FAT1: variants seen among roughly 807,000 people sequenced by gnomAD.
FAT1 encodes protocadherin Fat 1.
A neutral mutation model predicts 329.8 loss-of-function variants in FAT1; 171 were observed. The ratio of observed to expected loss-of-function variants is 0.52; its 90% CI spans 0.46 to 0.59. The LOEUF is 0.59. Among genes scored for constraint, FAT1 ranks in the 20% least tolerant of loss-of-function variants. The pLI, the probability that FAT1 is intolerant of heterozygous loss-of-function variation, is 0.00. For missense variants in FAT1, 5,672 were observed against 5,774.4 expected (o/e 0.98, Z 0.57); for synonymous variants, 2,233 against 2,228.6 (o/e 1.00, Z -0.06).
Position 186,709,184 on chromosome 4 carries a change from G to T in FAT1, c.644C>A (p.Thr215Asn). Residue 215 changes from threonine to asparagine, a missense_variant, in exon 2 of 27, where the codon ACC becomes AAC. Physicochemically the swap from Thr to Asn is moderately conservative, Grantham distance 65. Around this residue, in one of 2 missense-constraint regions of FAT1, gnomAD observed 3,966 missense variants for 3,915.2 expected, o/e 1.01. Coordinates refer to ENST00000441802, the MANE Select transcript of FAT1 (RefSeq NM_005245.4). ...GAGGATTTCCATCTCATAGAGCTTG[G>T]TCTCTAGGTAATCAAGTCTACCAGT... ...VLTGRLDYLE[T>N]KLYEMEILAA... 1 of 1,613,960 alleles carries T rather than the reference G, an allele frequency of 6.2e-7. No individual in the cohort carries two copies. Among genetic ancestry groups the T allele is most frequent in the Non-Finnish European group, 8.5e-7 (1 of 1,179,886 alleles).
At chr4:186,651,248 T>C (rs1271789325) in intron 3 of FAT1, among the ~76,000 whole-genome samples, 1 of 151,938 alleles carries the variant, frequency 6.6e-6, no homozygotes, top group Non-Finnish European at 1.5e-5. Flanking sequence ...TGTCCCTTTG[T>C]AAACATGTCA....
chr4:186,661,713 G>A (rs181715200), intron 3 of FAT1, among the ~76,000 whole-genome samples: 167 of 152,282 alleles, frequency 1.1e-3, no homozygotes, highest in African/African-American at 3.8e-3. Flanking sequence ...GGTTCTGTGA[G>A]CCGCTCCAAT....
rs542873085 is a variant in FAT1, at chr4:186,604,509, G to A, written c.10416C>T (p.Asn3472=). The A allele has an allele frequency of 2.8e-5, 45 of 1,613,548 alleles. No individual in the cohort carries two copies. The highest frequency in any genetic ancestry group is 2.0e-4 in the African/African-American group (15 of 75,042). ...LVVTDEDSSH[N]GPPFFFTIVT... The stretch of plus-strand genomic sequence containing the variant: ...CAATAGTAAAGAAGAAGGGTGGACC[G>A]TTATGGGAAGAATCCTCATCTGTTA... Residue 3472 remains asparagine, a synonymous_variant, in exon 18 of 27, where the codon AAC becomes AAT. Transcript: ENST00000441802.
chr4:186,589,454 C>T (rs903048456), intron 26 of FAT1, among the ~76,000 whole-genome samples: 11 of 152,080 alleles, frequency 7.2e-5, no homozygotes, highest in Admixed American at 3.3e-4. Context: ...GTTTTATGTA[C>T]GCAACTAACA....
chr4:186,721,727 A>G (rs2126724658), intron 1 of FAT1, among the ~76,000 whole-genome samples: 1 of 152,378 alleles, frequency 6.6e-6, no homozygotes, highest in Middle Eastern at 3.4e-3. Flanking sequence ...ATCCACCTCT[A>G]ACATTCAAAG....
chr4:186,672,025 T>C (rs1560982681), intron 2 of FAT1, among the ~76,000 whole-genome samples: 1 of 152,182 alleles, frequency 6.6e-6, no homozygotes, highest in Non-Finnish European at 1.5e-5. Flanking sequence ...AAAATCAACA[T>C]TTGTTACTTT....
chr4:186,609,806 T>G lies in FAT1; in HGVS notation c.10063A>C (p.Ile3355Leu), dbSNP rs764632645. 12 of 1,609,638 alleles carry G rather than the reference T, an allele frequency of 7.5e-6. No individual in the cohort carries two copies. Among genetic ancestry groups the G allele is most frequent in the Non-Finnish European group, 1.0e-5 (12 of 1,175,982 alleles). ...SEDAVLEQSVITVMADDADGP... is the reference protein window; with the variant it reads ...SEDAVLEQSVLTVMADDADGP... Reference sequence around the variant, plus strand: ...AATGGGGAAAAAATACACACCGTGATGACAGACTGCTCAAGAACGGCATCT... The same window carrying G: ...AATGGGGAAAAAATACACACCGTGAGGACAGACTGCTCAAGAACGGCATCT... The change falls in exon 15 of 27, where the codon ATC becomes CTC. Residue 3355 changes from isoleucine to leucine, a missense_variant. Transcript: ENST00000441802.
intron 2 of FAT1, among the ~76,000 whole-genome samples, chr4:186,690,949 A>G (rs1743730897): frequency 6.6e-6 from 1 of 152,210 alleles, no homozygotes; most frequent in Non-Finnish European, 1.5e-5. Context: ...TATATTATTA[A>G]AATTTCATCT....
At chr4:186,704,943 CTTTTTT>C (rs575252840) in intron 2 of FAT1, among the ~76,000 whole-genome samples, 49 of 120,628 alleles carry the variant, frequency 4.1e-4, no homozygotes, top group South Asian at 2.5e-3. Flanking sequence ...TCCAAAATAA[CTTTTTT>C]TTTTTTTTTT....
intron 2 of FAT1, among the ~76,000 whole-genome samples, chr4:186,706,312 T>C (rs1255701461): frequency 3.9e-5 from 6 of 152,206 alleles, no homozygotes; most frequent in Admixed American, 2.6e-4. Context: ...ACAATTTCAA[T>C]GTATCCCTGG....
upstream of FAT1, among the ~76,000 whole-genome samples, chr4:186,725,111 A>T (rs1011838443): frequency 2.0e-5 from 3 of 152,138 alleles, no homozygotes; most frequent in Admixed American, 6.5e-5. This position sits in a 1 kb window ranked among gnomAD's most constrained non-coding sequence, Gnocchi z 5.4. Flanking sequence ...ACATAGATTC[A>T]CACATCCAGC....
Position 186,619,024 on chromosome 4 carries a change from G to T in FAT1, c.7562C>A (p.Ser2521Tyr), listed in dbSNP as rs1739878236. The change falls in exon 10 of 27, where the codon TCT (serine) becomes TAT (tyrosine). Residue 2521 changes from serine to tyrosine, a missense_variant. Transcript: ENST00000441802. ...GTAAGTAACGTGACCATAAATACCA[G>T]AATCCCCATCCGTAGTTTTCACCTC... ...VMEVKTTDGD[S>Y]GIYGHVTYHI... 6.2e-7 allele frequency: 1 copy of T among 1,613,982 alleles called. No individual in the cohort carries two copies. The highest frequency in any genetic ancestry group is 1.3e-5 in the African/African-American group (1 of 75,042).
chr4:186,650,958 A>G (rs1253414748), intron 3 of FAT1, among the ~76,000 whole-genome samples: 1 of 152,030 alleles, frequency 6.6e-6, no homozygotes, highest in Non-Finnish European at 1.5e-5. Context: ...AGGGTCAACC[A>G]ACTGCACGGA....
intron 1 of FAT1, among the ~76,000 whole-genome samples, chr4:186,723,243 G>A (rs1745539455): frequency 1.3e-5 from 2 of 152,254 alleles, no homozygotes; most frequent in Admixed American, 6.5e-5. Flanking sequence ...CCTGCAGGGC[G>A]CAAACACCCA....
intron 22 of FAT1, chr4:186,598,404 C>G (rs1299564200): frequency 1.7e-5 from 5 of 299,552 alleles, no homozygotes; most frequent in Non-Finnish European, 1.8e-5. Context: ...CAGTTCTTTA[C>G]CTGAGTGACC....
intron 26 of FAT1, chr4:186,590,342 A>G (rs1241568760): frequency 6.2e-6 from 8 of 1,282,704 alleles, no homozygotes; most frequent in African/African-American, 6.1e-5. Context: ...GTGAGTATCA[A>G]TGAATAACTG....
At chr4:186,705,615 TG>T (rs1744547036) in intron 2 of FAT1, among the ~76,000 whole-genome samples, 3 of 152,242 alleles carry the variant, frequency 2.0e-5, no homozygotes, top group South Asian at 2.1e-4. Flanking sequence ...AGGCACTTTT[TG>T]CTAGGTGCTA....
chr4:186,713,859 G>T (rs1415463197), intron 1 of FAT1, among the ~76,000 whole-genome samples: 1 of 152,056 alleles, frequency 6.6e-6, no homozygotes, highest in Middle Eastern at 3.2e-3. Context: ...GCTCATGTTT[G>T]TATTTTTTAT....
At position 186,707,458 on chromosome 4, in the gene FAT1, C is replaced by G. The variant is rs2126688720; in HGVS notation, c.2370G>C (p.Leu790=). The change falls in exon 2 of 27, where the codon CTG becomes CTC. Residue 790 remains leucine (L), a synonymous_variant. Transcript: ENST00000441802. ...TCCCAAGGTCATAGACGGTAATATT[C>G]AGGGTGTATTTGTCTGTTGTTTCAC... ...LDRETTDKYT[L]NITVYDLGIP... is the part of the protein sequence containing the mutation. 6.2e-7 allele frequency: 1 copy of G among 1,613,984 alleles called. No individual in the cohort carries two copies. Among genetic ancestry groups the G allele is most frequent in the Middle Eastern group, 1.6e-4 (1 of 6,062 alleles).
Sources: allele counts gnomAD v4.1 joint callset (sites outside exome capture counted in the v4.1 genomes callset), GRCh38; gene constraint gnomAD v4.1.1; regional missense constraint gnomAD v4.1.1; non-coding constraint Gnocchi (gnomAD v3.1); transcripts MANE v1.5; gene names NCBI Gene and HGNC (gene_info 2026-07-23, HGNC 2026-07-21).